Variants in SIKE1 observed in about 807,000 individuals in gnomAD.
SIKE1 encodes suppressor of IKK epsilon.
In SIKE1, 13 loss-of-function variants were observed where a neutral mutation model predicts 25.8. The observed-to-expected ratio is 0.50, with a 90% CI of 0.33 to 0.80. The LOEUF (loss-of-function observed/expected upper bound fraction) is 0.80. SIKE1 is among the 30% of genes least tolerant of loss of function. SIKE1 has a pLI of 0.02. For missense variants in SIKE1, 222 were observed against 252.4 expected (o/e 0.88, Z 0.82); for synonymous variants, 86 against 95.5 (o/e 0.90, Z 0.58).
rs1303863952 is a variant in SIKE1, at chr1:114,769,497, AATTT to A, written c.*4770_*4773del. On this transcript the variant is annotated 3_prime_UTR_variant, in exon 5 of 5. Transcript: ENST00000060969. ...GCAAGGATTTTTTTAAAAAATGTAT[AATTT>A]ATTATATATGTATGTATTCCTTAAC... 1 of 152,174 alleles carries A rather than the reference AATTT, an allele frequency of 6.6e-6. No individual in the cohort carries two copies. Among genetic ancestry groups the A allele is most frequent in the Admixed American group, 6.5e-5 (1 of 15,268 alleles). 9.4% of individuals were successfully genotyped at this position (152,174 alleles called of 1,614,324 possible). A position where few individuals can be genotyped will look rare whatever the true frequency, so the allele number is the denominator to read the frequency against.
rs745520552 is a variant in SIKE1, at chr1:114,779,223, C to G, written c.327G>C (p.Arg109=). 4.3e-6 allele frequency: 7 copies of G among 1,614,074 alleles called. No individual in the cohort carries two copies. The highest frequency in any genetic ancestry group is 2.2e-5 in the South Asian group (2 of 91,086). The change falls in exon 3 of 5, where the codon CGG becomes CGC. Residue 109 remains arginine, a synonymous_variant. Transcript: ENST00000060969. ...CAACCATTAACTGTAACATCTGTTT[C>G]CGATATTTGCTCATGATAAGTTCCA... The part of the protein sequence containing the change: ...DALELIMSKY[R]KQMLQLMVAK...
At position 114,773,311 on chromosome 1, in the gene SIKE1, A is replaced by C. The variant is rs533085014; in HGVS notation, c.*960T>G. 65 of 152,028 alleles carry C rather than the reference A, an allele frequency of 4.3e-4. No homozygotes were observed. The highest frequency in any genetic ancestry group is 7.7e-4 in the Non-Finnish European group (52 of 67,972). The allele number at this position is 152,028 out of a possible 1,614,324, so 9.4% of individuals were successfully genotyped here. On this transcript the variant is annotated 3_prime_UTR_variant, in exon 5 of 5. Transcript: ENST00000060969. ...AAAAAAAGAAAAAAGATAAAAAAAA[A>C]CCCTGCTTCTATGTAAACAAAAAAA...
chr1:114,778,682 C>T (rs1662315781), intron 3 of SIKE1, among the ~76,000 whole-genome samples: 1 of 152,076 alleles, frequency 6.6e-6, no homozygotes, highest in Non-Finnish European at 1.5e-5. Context: ...GCAAAATAAA[C>T]AACAAATGTG....
chr1:114,777,756 G>A (rs1276186244), intron 3 of SIKE1, among the ~76,000 whole-genome samples: 2 of 151,918 alleles, frequency 1.3e-5, no homozygotes, highest in Admixed American at 6.6e-5. Flanking sequence ...TTTCATTTCT[G>A]AAAATTATCT....
rs1662075591 is a variant in SIKE1, at chr1:114,771,721, C to T, written c.*2550G>A. 6.6e-6 allele frequency: 1 copy of T among 152,158 alleles called. No individual in the cohort carries two copies. The highest frequency in any genetic ancestry group is 2.1e-4 in the South Asian group (1 of 4,838). The allele number at this position is 152,158 out of a possible 1,614,324, so 9.4% of individuals were successfully genotyped here. A position where few individuals can be genotyped will look rare whatever the true frequency, so the allele number is the denominator to read the frequency against. ...TACATACTATAATGGATTTATCACA[C>T]TGCATTATAATTTTATATATATACT... On this transcript the variant is annotated 3_prime_UTR_variant, in exon 5 of 5. Transcript: ENST00000060969.
rs1662085500 is a variant in SIKE1 at position 114,772,074 on chromosome 1, T to C, written c.*2197A>G. 6.6e-6 allele frequency: 1 copy of C among 152,156 alleles called. No homozygotes were observed. Among genetic ancestry groups the C allele is most frequent in the Admixed American group, 6.6e-5 (1 of 15,262 alleles). The allele number at this position is 152,156 out of a possible 1,614,324, so 9.4% of individuals were successfully genotyped here. On this transcript the variant is annotated 3_prime_UTR_variant, in exon 5 of 5. Transcript: ENST00000060969. ...AGATATTGATATAATACTACACTAA[T>C]ATAAGGTACTATTTGTAGAGTTATA...
chr1:114,780,601 A>G lies in SIKE1; in HGVS notation c.7T>C (p.Cys3Arg). 6.2e-7 allele frequency: 1 copy of G among 1,606,888 alleles called. No homozygotes were observed. Among genetic ancestry groups the G allele is most frequent in the East Asian group, 2.4e-5 (1 of 42,256 alleles). ...TCTGTCAGGATCTTCTCGATGGTGC[A>G]GCTCATAGCAGCAGCACCACCCCAG... Reference protein sequence around the residue: MSCTIEKILTDAK... With the variant: MSRTIEKILTDAK... The change falls in exon 1 of 5, where the codon TGC (cysteine) becomes CGC (arginine). Residue 3 changes from cysteine to arginine, a missense_variant. Physicochemically the swap from Cys to Arg is radical, Grantham distance 180. Transcript: ENST00000060969.
rs138166048 is a variant in SIKE1, at chr1:114,779,198, C to A, written c.352G>T (p.Ala118Ser). ...GGTTCAGCATCCACCGCTTTTTTAG[C>A]AACCATTAACTGTAACATCTGTTTC... ...YRKQMLQLMV[A>S]KKAVDAEPVL... The change falls in exon 3 of 5, where the codon GCT (alanine) becomes TCT (serine). Residue 118 changes from alanine (A) to serine (S), a missense_variant. By Grantham distance (99) the Ala-to-Ser change is moderately conservative. Coordinates refer to ENST00000060969, the MANE Select transcript of SIKE1 (RefSeq NM_025073.3). 346 of 1,614,200 alleles carry A rather than the reference C, an allele frequency of 2.1e-4. 1 individual carries two copies. The African/African-American group carries it at 4.2e-3, about 19-fold the overall frequency.
chr1:114,776,441 C>G lies in SIKE1; in HGVS notation c.427G>C (p.Asp143His), dbSNP rs141025380. The change falls in exon 4 of 5, where the codon GAC becomes CAC. Residue 143 changes from aspartate to histidine, a missense_variant. Physicochemically the swap from Asp to His is moderately conservative, Grantham distance 81. Transcript: ENST00000060969. ...ACTTCTCCCATTTCACAGATTCTGT[C>G]AATCTGACTCTCAATTTCCTGTGAA... is the stretch of plus-strand genomic sequence containing the variant. The part of the protein sequence containing the change: ...SHSAEIESQI[D>H]RICEMGEVMR... The G allele has an allele frequency of 5.9e-5, 95 of 1,610,676 alleles. No individual in the cohort carries two copies. The highest frequency in any genetic ancestry group is 7.3e-5 in the Non-Finnish European group (86 of 1,177,182).
At position 114,780,455 on chromosome 1, in the gene SIKE1, C is replaced by G; in HGVS notation, c.153G>C (p.Pro51=). The G allele has an allele frequency of 6.2e-7, 1 of 1,612,958 alleles. No homozygotes were observed. The highest frequency in any genetic ancestry group is 8.5e-7 in the Non-Finnish European group (1 of 1,180,032). Reference sequence around the variant, plus strand: ...CTCCTACCCTCTGCCTGACCTGGTCCGGAAGCGCTGTCCCCGCCTCCCGCA... The same window carrying G: ...CTCCTACCCTCTGCCTGACCTGGTCGGGAAGCGCTGTCCCCGCCTCCCGCA... ...AAMREAGTAL[P]DQYQEDASDM... is the part of the protein sequence containing the mutation. Residue 51 remains proline (P), a synonymous_variant, in exon 1 of 5, where the codon CCG becomes CCC. Transcript: ENST00000060969.
At position 114,773,811 on chromosome 1, in the gene SIKE1, G is replaced by GTT. The variant is rs1167439336; in HGVS notation, c.*458_*459dup. The GTT allele has an allele frequency of 6.5e-6, 1 of 152,718 alleles. No homozygotes were observed. Among genetic ancestry groups the GTT allele is most frequent in the East Asian group, 1.9e-4 (1 of 5,240 alleles). The allele number at this position is 152,718 out of a possible 1,614,324, so 9.5% of individuals were successfully genotyped here. ...ACAAATCAGAGAATCTGCTGATCTA[G>GTT]TTCTGTGGAATTGTATTATTTTTGT... On this transcript the variant is annotated 3_prime_UTR_variant, in exon 5 of 5. Transcript: ENST00000060969.
intron 3 of SIKE1, among the ~76,000 whole-genome samples, chr1:114,778,610 A>T (rs1662313845): frequency 6.6e-6 from 1 of 152,224 alleles, no homozygotes; most frequent in Non-Finnish European, 1.5e-5. Context: ...GTCCCACTCA[A>T]ATAAAAGGAT....
rs1413102256 is a variant in SIKE1 at position 114,776,275 on chromosome 1, A to G, written c.522+71T>C. Reference sequence around the variant, plus strand: ...AACATCAATATATTACAGTGATGGGATAGTGATGGCATATCTTCCAGACTC... The same window carrying G: ...AACATCAATATATTACAGTGATGGGGTAGTGATGGCATATCTTCCAGACTC... On this transcript the variant is annotated intron_variant, in intron 4 of 4. Coordinates refer to ENST00000060969, the MANE Select transcript of SIKE1 (RefSeq NM_025073.3). 3 of 894,240 alleles carry G rather than the reference A, an allele frequency of 3.4e-6. No individual in the cohort carries two copies. In the African/African-American group the frequency reaches 4.9e-5, roughly 15 times the overall value. 55.4% of individuals were successfully genotyped at this position (894,240 alleles called of 1,614,324 possible).
Position 114,771,864 on chromosome 1 carries a change from G to A in SIKE1, c.*2407C>T, listed in dbSNP as rs899064268. 4 of 152,090 alleles carry A rather than the reference G, an allele frequency of 2.6e-5. No individual in the cohort carries two copies. Among genetic ancestry groups the A allele is most frequent in the Non-Finnish European group, 4.4e-5 (3 of 68,000 alleles). The allele number at this position is 152,090 out of a possible 1,614,324, so 9.4% of individuals were successfully genotyped here. On this transcript the variant is annotated 3_prime_UTR_variant, in exon 5 of 5. Transcript: ENST00000060969. Reference sequence around the variant, plus strand: ...GCTAACTATTACACAATGGGGCCTAGACTAGATATTTTAAAATCAGTGTCT... The same window carrying A: ...GCTAACTATTACACAATGGGGCCTAAACTAGATATTTTAAAATCAGTGTCT...
rs1662143349 is a variant in SIKE1 at position 114,774,145 on chromosome 1, C to T, written c.*126G>A. On this transcript the variant is annotated 3_prime_UTR_variant, in exon 5 of 5. Coordinates refer to ENST00000060969, the MANE Select transcript of SIKE1 (RefSeq NM_025073.3). ...CAATATTGACTGGAATTCTAAATTG[C>T]CACCTGATACCTTTAATTAAGATTA... is the stretch of plus-strand genomic sequence containing the variant. 4 of 635,428 alleles carry T rather than the reference C, an allele frequency of 6.3e-6. No individual in the cohort carries two copies. Among genetic ancestry groups the T allele is most frequent in the Non-Finnish European group, 1.1e-5 (4 of 380,844 alleles). 39.4% of individuals were successfully genotyped at this position (635,428 alleles called of 1,614,324 possible). A position where few individuals can be genotyped will look rare whatever the true frequency, so the allele number is the denominator to read the frequency against.
At chr1:114,776,929 G>A (rs946447926) in intron 3 of SIKE1, among the ~76,000 whole-genome samples, 1 of 152,138 alleles carries the variant, frequency 6.6e-6, no homozygotes, top group Non-Finnish European at 1.5e-5. Context: ...CCATAAAAAA[G>A]GATGAGTTCA....
rs530531368 is a variant in SIKE1, at chr1:114,779,598, T to C, written c.266-314A>G. Among the ~76,000 whole-genome samples the C allele has an allele frequency of 1.0e-3, 159 of 152,310 alleles. 1 individual carries two copies. Among genetic ancestry groups the C allele is most frequent in the Non-Finnish European group, 4.4e-4 (30 of 68,016 alleles). On this transcript the variant is annotated intron_variant, in intron 2 of 4. Coordinates refer to ENST00000060969, the MANE Select transcript of SIKE1 (RefSeq NM_025073.3). ...CTTCTGAGCCTATTTCTTAACTGCA[T>C]TGTGGTAGATAAAAATGAAGATATG...
chr1:114,771,703 T>C lies in SIKE1; in HGVS notation c.*2568A>G, dbSNP rs1662075011. 3.3e-5 allele frequency: 5 copies of C among 152,246 alleles called. No individual in the cohort carries two copies. The South Asian group carries it at 8.3e-4, about 25-fold the overall frequency. 9.4% of individuals were successfully genotyped at this position (152,246 alleles called of 1,614,324 possible). A position where few individuals can be genotyped will look rare whatever the true frequency, so the allele number is the denominator to read the frequency against. On this transcript the variant is annotated 3_prime_UTR_variant, in exon 5 of 5. Coordinates refer to ENST00000060969, the MANE Select transcript of SIKE1 (RefSeq NM_025073.3). ...TCCCTCTTCTGTATCTTATACATAC[T>C]ATAATGGATTTATCACACTGCATTA...
Position 114,780,106 on chromosome 1 carries a change from T to C in SIKE1, c.265+4A>G, listed in dbSNP as rs1339400243. 6.2e-7 allele frequency: 1 copy of C among 1,601,920 alleles called. No homozygotes were observed. The highest frequency in any genetic ancestry group is 1.3e-5 in the African/African-American group (1 of 74,256). On this transcript the variant is annotated splice_donor_region_variant and intron_variant, in intron 2 of 4. Transcript: ENST00000060969. ...ATTACCAGATATGAAAAGGCCTGACTAACCTCTGTTTTCCTGTTGCAAGTC... is the reference window on the plus strand; with the variant it reads ...ATTACCAGATATGAAAAGGCCTGACCAACCTCTGTTTTCCTGTTGCAAGTC...
Sources: allele counts gnomAD v4.1 joint callset (sites outside exome capture counted in the v4.1 genomes callset), GRCh38; gene constraint gnomAD v4.1.1; transcripts MANE v1.5; gene names NCBI Gene and HGNC (gene_info 2026-07-23, HGNC 2026-07-21).